Variants in DPP9 observed in about 807,000 individuals in gnomAD.
DPP9 encodes dipeptidyl peptidase IV-related protein-2.
Under a neutral mutation model 110.7 loss-of-function variants are expected in DPP9, and 50 were observed. The ratio of observed to expected loss-of-function variants is 0.45; its 90% confidence interval spans 0.36 to 0.57. The LOEUF is 0.57. Among genes scored for constraint, DPP9 ranks in the 20% least tolerant of loss-of-function variants. The pLI, the probability that DPP9 is intolerant of heterozygous loss-of-function variation, is 0.00. For missense variants in DPP9, 1,022 were observed against 1,217.9 expected (o/e 0.84, Z 2.39); for synonymous variants, 561 against 514.4 (o/e 1.09, Z -1.23).
intron 10 of DPP9, 87 bp from the exon 11 acceptor site, chr19:4,697,738 G>T: frequency 9.3e-7 from 1 of 1,073,838 alleles, no homozygotes; most frequent in Non-Finnish European, 1.4e-6. Flanking sequence ...GTCCCATCAT[G>T]TCCCCCCCAA....
chr19:4,704,200 A>G lies in DPP9; in HGVS notation c.531T>C (p.Ser177=). Residue 177 remains serine (S), a synonymous_variant, in exon 6 of 22, where the codon AGT becomes AGC. Transcript: ENST00000262960. This position sits in a 1 kb window ranked among gnomAD's most constrained non-coding sequence, Gnocchi z 6.0. ...GITSYDFHSE[S]GLFLFQASNS... is the part of the protein sequence containing the mutation. ...TGCTGGCCTGGAAGAGGAAGAGGCC[A>G]CTCTCGCTGTGGAAGTCGTAGGAGG... 1 of 1,613,808 alleles carries G rather than the reference A, an allele frequency of 6.2e-7. No individual in the cohort carries two copies. Among genetic ancestry groups the G allele is most frequent in the South Asian group, 1.1e-5 (1 of 91,080 alleles).
At chr19:4,712,769 C>G (rs1182337658) in intron 4 of DPP9, among the ~76,000 whole-genome samples, 1 of 152,198 alleles carries the variant, frequency 6.6e-6, no homozygotes, top group East Asian at 1.9e-4. Flanking sequence ...TTTGCCAGAC[C>G]ACCATCTGAT....
At position 4,694,881 on chromosome 19, in the gene DPP9, C is replaced by G; in HGVS notation, c.1354-58G>C. On this transcript the variant is annotated intron_variant, in intron 12 of 21. Coordinates refer to ENST00000262960, the MANE Select transcript of DPP9 (RefSeq NM_139159.5). This position sits in a 1 kb window ranked among gnomAD's most constrained non-coding sequence, Gnocchi z 4.0. ...AGGTGTGGGTGGCCGGGCATGGTGG[C>G]TCACACCAGTAATCCCAGTAGTTTG... is the stretch of plus-strand genomic sequence containing the variant. 1 of 1,563,102 alleles carries G rather than the reference C, an allele frequency of 6.4e-7. No individual in the cohort carries two copies.
At chr19:4,683,179 C>A in intron 19 of DPP9, 1 of 1,437,454 alleles carries the variant, frequency 7.0e-7, no homozygotes, top group East Asian at 2.8e-5. Flanking sequence ...GCTCTGCACA[C>A]CATGCCCCAC....
In DPP9 at chr19:4,704,408, T is replaced by G; in HGVS notation, c.427-104A>C. The G allele has an allele frequency of 1.4e-6, 2 of 1,385,424 alleles. No homozygotes were observed. The highest frequency in any genetic ancestry group is 4.0e-5 in the Admixed American group (2 of 50,182). The allele number at this position is 1,385,424 out of a possible 1,614,324, so 85.8% of individuals were successfully genotyped here. A position where few individuals can be genotyped will look rare whatever the true frequency, so the allele number is the denominator to read the frequency against. ...CTGGGGCATTCCCAGGGAATCTGAC[T>G]TCGGGCCTCGCCAGAGAGAACTTCC... On this transcript the variant is annotated intron_variant, in intron 5 of 21. Transcript: ENST00000262960. The surrounding 1 kb of genome is among the most constrained non-coding windows in gnomAD (Gnocchi z 6.0).
chr19:4,685,805 G>A lies in DPP9; in HGVS notation c.1886-34C>T, dbSNP rs781452737. ...GACAGGGCGGCTATCTGGCTGCCCGGGGAAGCCACATCCAGCTGACACCCT... is the reference window on the plus strand; with the variant it reads ...GACAGGGCGGCTATCTGGCTGCCCGAGGAAGCCACATCCAGCTGACACCCT... On this transcript the variant is annotated intron_variant, in intron 16 of 21. Coordinates refer to ENST00000262960, the MANE Select transcript of DPP9 (RefSeq NM_139159.5). The surrounding 1 kb of genome is among the most constrained non-coding windows in gnomAD (Gnocchi z 5.8). The A allele has an allele frequency of 6.2e-7, 1 of 1,605,514 alleles. No individual in the cohort carries two copies. Among genetic ancestry groups the A allele is most frequent in the Non-Finnish European group, 8.5e-7 (1 of 1,177,006 alleles).
Position 4,703,963 on chromosome 19 carries a change from GAGA to G in DPP9, c.689_691del (p.Phe230del). 2 of 1,613,984 alleles carry G rather than the reference GAGA, an allele frequency of 1.2e-6. No individual in the cohort carries two copies. The highest frequency in any genetic ancestry group is 1.7e-6 in the Non-Finnish European group (2 of 1,179,870). ...CCACAGGTCGCTGTTATTGATGAAG[GAGA>G]AGAAGGCAGGGTCGGCAGGGCAGAT... On this transcript the variant is annotated inframe_deletion, in exon 7 of 22. Coordinates refer to ENST00000262960, the MANE Select transcript of DPP9 (RefSeq NM_139159.5).
Position 4,675,349 on chromosome 19 carries a change from TTTTTC to T in DPP9, c.*1210_*1214del, listed in dbSNP as rs2088729166. ...AGAGGTGGTTTGTTTCTTTTTTTTT[TTTTTC>T]TTTTCTTTTTACTTTTTTTTTTGCC... On this transcript the variant is annotated 3_prime_UTR_variant, in exon 22 of 22. Coordinates refer to ENST00000262960, the MANE Select transcript of DPP9 (RefSeq NM_139159.5). 6.6e-6 allele frequency: 1 copy of T among 152,438 alleles called. No homozygotes were observed. Among genetic ancestry groups the T allele is most frequent in the Non-Finnish European group, 1.5e-5 (1 of 67,982 alleles). 9.4% of individuals were successfully genotyped at this position (152,438 alleles called of 1,614,324 possible).
At chr19:4,686,876 GTC>G (rs1450888338) in intron 16 of DPP9, among the ~76,000 whole-genome samples, 2 of 152,240 alleles carry the variant, frequency 1.3e-5, no homozygotes, top group Non-Finnish European at 2.9e-5. Flanking sequence ...TCCGTGCTGT[GTC>G]TCTGTGTCAT....
intron 1 of DPP9, 87 bp from the exon 2 acceptor site, chr19:4,722,638 C>G (rs961894041): frequency 1.4e-6 from 1 of 693,904 alleles, no homozygotes; most frequent in East Asian, 2.7e-5. Flanking sequence ...GAGCTGCAGA[C>G]TGTCAGGCCC....
intron 10 of DPP9, 23 bp from the exon 11 acceptor site, chr19:4,697,674 G>C: frequency 1.9e-6 from 3 of 1,608,140 alleles, no homozygotes; most frequent in Non-Finnish European, 2.6e-6. Context: ...AAACAGGTGT[G>C]GGTCATGCCC....
In DPP9 at chr19:4,684,516, G is replaced by A; in HGVS notation, c.2178+147C>T. 2 of 840,886 alleles carry A rather than the reference G, an allele frequency of 2.4e-6. No homozygotes were observed. Among genetic ancestry groups the A allele is most frequent in the Non-Finnish European group, 3.6e-6 (2 of 548,618 alleles). The allele number at this position is 840,886 out of a possible 1,614,324, so 52.1% of individuals were successfully genotyped here. ...CATACATCCCCTTTTGTTCTAAAAG[G>A]GCGCCTCATTGAGCCTGCGTCACCC... is the stretch of plus-strand genomic sequence containing the variant. On this transcript the variant is annotated intron_variant, in intron 18 of 21. Transcript: ENST00000262960. The surrounding 1 kb of genome is among the most constrained non-coding windows in gnomAD (Gnocchi z 4.8).
chr19:4,694,579 G>T lies in DPP9; in HGVS notation c.1516+82C>A. ...CGCAGGGTGTGCTGGCTGAGTGGGG[G>T]GGCCGACCAATGAACAAACAGCATA... On this transcript the variant is annotated intron_variant, in intron 13 of 21. Coordinates refer to ENST00000262960, the MANE Select transcript of DPP9 (RefSeq NM_139159.5). The surrounding 1 kb of genome is among the most constrained non-coding windows in gnomAD (Gnocchi z 4.0). 1 of 1,508,978 alleles carries T rather than the reference G, an allele frequency of 6.6e-7. No individual in the cohort carries two copies. The highest frequency in any genetic ancestry group is 8.9e-7 in the Non-Finnish European group (1 of 1,118,074). 93.5% of individuals were successfully genotyped at this position (1,508,978 alleles called of 1,614,324 possible). A position where few individuals can be genotyped will look rare whatever the true frequency, so the allele number is the denominator to read the frequency against.
rs138231751 is a variant in DPP9 at position 4,690,426 on chromosome 19, T to C, written c.1596+452A>G. 5.9e-3 allele frequency among the ~76,000 whole-genome samples: 898 copies of C among 152,252 alleles called. 7 individuals carry two copies. The highest frequency in any genetic ancestry group is 0.02 in the African/African-American group (838 of 41,540). On this transcript the variant is annotated intron_variant, in intron 14 of 21. Coordinates refer to ENST00000262960, the MANE Select transcript of DPP9 (RefSeq NM_139159.5). ...TGGAGCGTGGGGTGACCAGGGACCC[T>C]AAGACGTGAAGAAACTGAGGATAAG...
In DPP9 at chr19:4,684,035, G is replaced by A. The variant is rs561928738; in HGVS notation, c.2179-406C>T. 2.8e-4 allele frequency: 103 copies of A among 373,710 alleles called. No homozygotes were observed. The highest frequency in any genetic ancestry group is 2.1e-3 in the African/African-American group (101 of 47,644). 23.1% of individuals were successfully genotyped at this position (373,710 alleles called of 1,614,324 possible). A position where few individuals can be genotyped will look rare whatever the true frequency, so the allele number is the denominator to read the frequency against. On this transcript the variant is annotated intron_variant, in intron 18 of 21. Coordinates refer to ENST00000262960, the MANE Select transcript of DPP9 (RefSeq NM_139159.5). The surrounding 1 kb of genome is among the most constrained non-coding windows in gnomAD (Gnocchi z 4.8). ...CACTACCAGCCACATCCCCACCACC[G>A]CCACTGCCACGATTTCAATGCTGGT...
In DPP9 at chr19:4,694,877, G is replaced by A. The variant is rs534732546; in HGVS notation, c.1354-54C>T. 1.7e-4 allele frequency: 263 copies of A among 1,580,812 alleles called. 2 individuals are homozygous for A. The African/African-American group carries it at 3.2e-3, about 19-fold the overall frequency. On this transcript the variant is annotated intron_variant, in intron 12 of 21. Transcript: ENST00000262960. This position sits in a 1 kb window ranked among gnomAD's most constrained non-coding sequence, Gnocchi z 4.0. The stretch of plus-strand genomic sequence containing the variant: ...CAGAAGGTGTGGGTGGCCGGGCATG[G>A]TGGCTCACACCAGTAATCCCAGTAG...
In DPP9 at chr19:4,676,681, T is replaced by TG. The variant is rs1477267490; in HGVS notation, c.2587-26dup. The TG allele has an allele frequency of 1.3e-6, 2 of 1,569,896 alleles. No homozygotes were observed. The highest frequency in any genetic ancestry group is 8.7e-7 in the Non-Finnish European group (1 of 1,155,326). On this transcript the variant is annotated intron_variant, in intron 21 of 21. Coordinates refer to ENST00000262960, the MANE Select transcript of DPP9 (RefSeq NM_139159.5). This position sits in a 1 kb window ranked among gnomAD's most constrained non-coding sequence, Gnocchi z 4.0. ...TCTGCGGGGAGACAGGAGGCAGGGC[T>TG]GGGGGGCGTGGCCGGACCACCCCCG...
intron 20 of DPP9, among the ~76,000 whole-genome samples, chr19:4,680,412 G>GAAAAACAAAAAC (rs59514816): frequency 2.7e-5 from 4 of 149,840 alleles, no homozygotes; most frequent in Non-Finnish European, 5.9e-5. Flanking sequence ...CTCTAAATTA[G>GAAAAACAAAAAC]AAAAACAAAA....
intron 10 of DPP9, among the ~76,000 whole-genome samples, chr19:4,699,435 T>C (rs2092073121): frequency 6.6e-6 from 1 of 152,072 alleles, no homozygotes; most frequent in African/African-American, 2.4e-5. Context: ...CTTATGGGAT[T>C]TGCAACTTCC....
Sources: gnomAD v4.1 joint callset for allele counts (sites outside exome capture counted in the v4.1 genomes callset) on GRCh38, gnomAD v4.1.1 for gene constraint, Gnocchi (gnomAD v3.1) non-coding constraint, MANE v1.5 for transcripts, NCBI Gene and HGNC (gene_info 2026-07-23, HGNC 2026-07-21) for gene names.